RGS6: variants seen among roughly 807,000 people sequenced by gnomAD.
The protein encoded by RGS6 is regulator of G-protein signaling 6.
RGS6 carries 30 observed loss-of-function variants against 78.5 expected under a neutral mutation model. The ratio of observed to expected loss-of-function variants is 0.38; its 90% CI spans 0.29 to 0.52. RGS6 has a LOEUF of 0.52. Ranked by LOEUF, RGS6 falls within the 20% of genes least tolerant of loss-of-function variation. The pLI is 0.85. For missense variants in RGS6, 495 were observed against 609.7 expected, an observed-to-expected ratio of 0.81 and a Z score of 1.98; for synonymous variants, 206 against 206.0, an observed-to-expected ratio of 1.00 and a Z score of 0.00.
rs1439884196 is a variant in RGS6 at position 72,250,154 on chromosome 14, T to G, written c.85-101941T>G. Among the ~76,000 whole-genome samples, 3 of 149,646 alleles carry G rather than the reference T, an allele frequency of 2.0e-5. No homozygotes were observed. The East Asian group carries it at 6.0e-4, about 30-fold the overall frequency. On this transcript the variant is annotated intron_variant, in intron 2 of 17. Coordinates refer to ENST00000553525, the MANE Select transcript of RGS6 (RefSeq NM_001204424.2). ...TACCTAATGCTAGATGATGAGTTAG[T>G]GGGTGCAGTGCACCAGCATGACACA...
At chr14:72,321,834 A>G (rs952545583) in intron 2 of RGS6, among the ~76,000 whole-genome samples, 13 of 152,000 alleles carry the variant, frequency 8.6e-5, no homozygotes, top group Non-Finnish European at 1.2e-4. Context: ...ATATCAATCT[A>G]TCCCTGAAAA....
At chr14:72,062,076 G>C (rs920967958) in intron 2 of RGS6, among the ~76,000 whole-genome samples, 8 of 152,228 alleles carry the variant, frequency 5.3e-5, no homozygotes, top group Non-Finnish European at 1.2e-4. Context: ...AGAGAAATGA[G>C]ACAGACAGTG....
chr14:71,954,353 T>C (rs532944791), intron 1 of RGS6, among the ~76,000 whole-genome samples: 12 of 152,186 alleles, frequency 7.9e-5, no homozygotes, highest in African/African-American at 2.6e-4. Context: ...TCTGCTCTGG[T>C]TTTTTTCCTC....
chr14:71,947,272 G>A (rs896206464), intron 1 of RGS6, among the ~76,000 whole-genome samples: 2 of 152,062 alleles, frequency 1.3e-5, no homozygotes, highest in African/African-American at 4.8e-5. Context: ...AACTTAGTTG[G>A]CATGACTGAT....
intron 2 of RGS6, among the ~76,000 whole-genome samples, chr14:72,345,781 T>C (rs1030722288): frequency 6.6e-6 from 1 of 152,214 alleles, no homozygotes; most frequent in Non-Finnish European, 1.5e-5. Flanking sequence ...GCTCAGTGAA[T>C]GTCCACTAAG....
intron 3 of RGS6, chr14:72,421,547 C>A (rs2094181560): frequency 6.6e-6 from 1 of 152,108 alleles, no homozygotes; most frequent in African/African-American, 2.4e-5. Flanking sequence ...GATTTAGTTT[C>A]TCCTGACTGT....
intron 2 of RGS6, among the ~76,000 whole-genome samples, chr14:72,079,415 A>T (rs913588349): frequency 6.6e-6 from 1 of 152,180 alleles, no homozygotes; most frequent in African/African-American, 2.4e-5. Context: ...ATCTTAACTG[A>T]CAAATGAAAA....
chr14:72,226,360 A>T (rs1417256866), intron 2 of RGS6, among the ~76,000 whole-genome samples: 1 of 152,236 alleles, frequency 6.6e-6, no homozygotes, highest in East Asian at 1.9e-4. Flanking sequence ...TAAAATCTAG[A>T]TGTCATATCA....
the RGS6 span, among the ~76,000 whole-genome samples, chr14:72,581,069 G>C: frequency 2.0e-5 from 3 of 152,140 alleles, no homozygotes; most frequent in African/African-American, 7.2e-5. Context: ...TCCCTTTCAG[G>C]CTGTCCAAGG....
intron 2 of RGS6, among the ~76,000 whole-genome samples, chr14:72,010,105 T>C (rs1252043877): frequency 6.6e-6 from 1 of 152,236 alleles, no homozygotes; most frequent in Non-Finnish European, 1.5e-5. Context: ...TACTCACTTC[T>C]TAGGTCCTTT....
chr14:72,355,947 A>G (rs1298122465), intron 3 of RGS6, among the ~76,000 whole-genome samples: 2 of 152,152 alleles, frequency 1.3e-5, no homozygotes, highest in Admixed American at 1.3e-4. Context: ...GAGAGTGGGG[A>G]TGAAGCCACG....
At chr14:72,383,737 C>A (rs1435489925) in intron 3 of RGS6, among the ~76,000 whole-genome samples, 1 of 152,020 alleles carries the variant, frequency 6.6e-6, no homozygotes, top group African/African-American at 2.4e-5. Flanking sequence ...GGCATTTATC[C>A]TCTACTGGTG....
At chr14:71,869,429 G>A in the RGS6 span, among the ~76,000 whole-genome samples, 1 of 152,148 alleles carries the variant, frequency 6.6e-6, no homozygotes, top group South Asian at 2.1e-4. Context: ...GGTGGAGGGA[G>A]ACCATCCTTT....
At chr14:72,580,770 C>T in the RGS6 span, among the ~76,000 whole-genome samples, 1 of 152,172 alleles carries the variant, frequency 6.6e-6, no homozygotes, top group South Asian at 2.1e-4. Flanking sequence ...TCCTACATGG[C>T]CAAGACAGGA....
chr14:72,060,371 CT>C (rs34086688), intron 2 of RGS6, among the ~76,000 whole-genome samples: 84 of 136,958 alleles, frequency 6.1e-4, no homozygotes, highest in South Asian at 1.4e-3. Flanking sequence ...CCCCTCCCAC[CT>C]TTTTTTTTTT....
chr14:72,587,123 T>C, the RGS6 span, among the ~76,000 whole-genome samples: 5 of 152,150 alleles, frequency 3.3e-5, no homozygotes, highest in Non-Finnish European at 7.3e-5. Flanking sequence ...CGTCTCTGTG[T>C]TTCTGGTAGC....
At chr14:72,212,768 C>T (rs1217755747) in intron 2 of RGS6, among the ~76,000 whole-genome samples, 2 of 152,142 alleles carry the variant, frequency 1.3e-5, no homozygotes, top group East Asian at 3.9e-4. Context: ...ACATAACCTC[C>T]TTTGTAGGCT....
chr14:72,433,933 T>G (rs1266708225), intron 3 of RGS6, among the ~76,000 whole-genome samples: 2 of 152,266 alleles, frequency 1.3e-5, no homozygotes, highest in African/African-American at 4.8e-5. Flanking sequence ...AAGCCCTATG[T>G]AAATGTTTGC....
chr14:71,873,056 GT>G, the RGS6 span, among the ~76,000 whole-genome samples: 2 of 152,158 alleles, frequency 1.3e-5, no homozygotes, highest in Admixed American at 1.3e-4. Context: ...GGACATTTGG[GT>G]TGGTTTCAAG....
Sources: gnomAD v4.1 joint callset for allele counts (sites outside exome capture counted in the v4.1 genomes callset) on GRCh38, gnomAD v4.1.1 for gene constraint, MANE v1.5 for transcripts, NCBI Gene and HGNC (gene_info 2026-07-23, HGNC 2026-07-21) for gene names.